TTC38: variants seen among roughly 807,000 people sequenced by gnomAD.
TTC38 encodes the protein tetratricopeptide repeat domain 38.
A neutral mutation model predicts 64.2 loss-of-function variants in TTC38; 64 were observed. The observed-to-expected ratio is 1.00, with a 90% CI of 0.81 to 1.23. The LOEUF (loss-of-function observed/expected upper bound fraction) is 1.23, where lower values mean the gene tolerates loss of function less well. Among genes scored for constraint, TTC38 ranks in the 50% most tolerant of loss-of-function variants. The pLI is 0.00. For missense variants in TTC38, 573 were observed against 615.5 expected (o/e 0.93, Z 0.73); for synonymous variants, 254 against 249.3 (o/e 1.02, Z -0.18).
intron 11 of TTC38, among the ~76,000 whole-genome samples, chr22:46,289,176 A>G (rs571523816): frequency 9.2e-5 from 14 of 152,286 alleles, no homozygotes; most frequent in African/African-American, 3.1e-4. Flanking sequence ...CTGAGGCTGG[A>G]AGGTGGGGGA....
chr22:46,286,641 G>A (rs1234657816), intron 9 of TTC38, among the ~76,000 whole-genome samples: 1 of 150,114 alleles, frequency 6.7e-6, no homozygotes, highest in Non-Finnish European at 1.5e-5. Context: ...CAGCCTGGGC[G>A]ACAGAGGGAG....
chr22:46,268,397 G>T, intron 1 of TTC38, 117 bp from the exon 2 acceptor site: 1 of 1,137,718 alleles, frequency 8.8e-7, no homozygotes, highest in Admixed American at 2.1e-5. Context: ...CTGGGAGCCT[G>T]AGCCCATTTT....
Position 46,276,744 on chromosome 22 carries a change from T to TTA in TTC38, c.539+1323_539+1324insTA, listed in dbSNP as rs1569017487. Among the ~76,000 whole-genome samples the TTA allele has an allele frequency of 8.4e-5, 12 of 142,450 alleles. No individual in the cohort carries two copies. Among genetic ancestry groups the TTA allele is most frequent in the African/African-American group, 3.1e-4 (12 of 38,336 alleles). The allele number at this position is 142,450 out of a possible 152,430, so 93.5% of individuals were successfully genotyped here. A position where few individuals can be genotyped will look rare whatever the true frequency, so the allele number is the denominator to read the frequency against. On this transcript the variant is annotated intron_variant, in intron 5 of 13. Coordinates refer to ENST00000381031, the MANE Select transcript of TTC38 (RefSeq NM_017931.4). This position sits in a 1 kb window ranked among gnomAD's most constrained non-coding sequence, Gnocchi z 4.7. ...AATATATATATTAAAAAAATATATA[T>TTA]AAAATACATATATTAAAAATATATA...
rs1224141901 is a variant in TTC38, at chr22:46,276,748, A to G, written c.539+1327A>G. On this transcript the variant is annotated intron_variant, in intron 5 of 13. Transcript: ENST00000381031. This position sits in a 1 kb window ranked among gnomAD's most constrained non-coding sequence, Gnocchi z 4.7. ...TATATATTAAAAAAATATATATAAA[A>G]TACATATATTAAAAATATATATTAA... Among the ~76,000 whole-genome samples the G allele has an allele frequency of 2.7e-5, 4 of 145,570 alleles. No individual in the cohort carries two copies. Among genetic ancestry groups the G allele is most frequent in the Non-Finnish European group, 1.5e-5 (1 of 66,636 alleles).
chr22:46,288,635 AGGGTGAGG>A, intron 11 of TTC38, 47 bp downstream of exon 11: 1 of 1,586,662 alleles, frequency 6.3e-7, no homozygotes, highest in South Asian at 1.1e-5. Flanking sequence ...CCCTGCCGAG[AGGGTGAGG>A]GGGTGCTAGG....
At position 46,292,815 on chromosome 22, in the gene TTC38, C is replaced by T; in HGVS notation, c.1341C>T (p.Ala447=). 6 of 1,614,084 alleles carry T rather than the reference C, an allele frequency of 3.7e-6. No homozygotes were observed. The highest frequency in any genetic ancestry group is 5.1e-6 in the Non-Finnish European group (6 of 1,179,958). ...GGAGCCTTCTGATGGAGCGTGATGC[C>T]TTGAAGCCCAACTCGCCCCTGACCG... ...VARSLLMERD[A]LKPNSPLTER... Residue 447 remains alanine, a synonymous_variant, in exon 14 of 14, where the codon GCC becomes GCT. Coordinates refer to ENST00000381031, the MANE Select transcript of TTC38 (RefSeq NM_017931.4). The surrounding 1 kb of genome is among the most constrained non-coding windows in gnomAD (Gnocchi z 6.5).
intron 13 of TTC38, among the ~76,000 whole-genome samples, chr22:46,290,525 T>TTACG (rs1163728355): frequency 8.6e-6 from 1 of 115,996 alleles, no homozygotes; most frequent in Non-Finnish European, 1.9e-5. Flanking sequence ...AGGGTGAGTG[T>TTACG]GTTAGGGCAG....
chr22:46,280,060 G>T lies in TTC38; in HGVS notation c.615+1399G>T, dbSNP rs375412827. Reference sequence around the variant, plus strand: ...GCTCCCCTTTCGCCTCCTGTCCCTTGTGTTGCAGGCACCAACTCTTTGTCT... The same window carrying T: ...GCTCCCCTTTCGCCTCCTGTCCCTTTTGTTGCAGGCACCAACTCTTTGTCT... On this transcript the variant is annotated intron_variant, in intron 6 of 13. Coordinates refer to ENST00000381031, the MANE Select transcript of TTC38 (RefSeq NM_017931.4). 8 of 467,248 alleles carry T rather than the reference G, an allele frequency of 1.7e-5. No homozygotes were observed. The Admixed American group carries it at 1.9e-4, about 11-fold the overall frequency. 28.9% of individuals were successfully genotyped at this position (467,248 alleles called of 1,614,324 possible).
intron 8 of TTC38, 54 bp from the exon 9 acceptor site, chr22:46,285,187 A>G: frequency 6.5e-7 from 1 of 1,549,518 alleles, no homozygotes; most frequent in Non-Finnish European, 8.9e-7. Flanking sequence ...TTCACGTGCC[A>G]GCATTACACT....
chr22:46,288,457 G>A lies in TTC38; in HGVS notation c.951G>A (p.Leu317=). 6.2e-7 allele frequency: 1 copy of A among 1,613,990 alleles called. No homozygotes were observed. The highest frequency in any genetic ancestry group is 1.1e-5 in the South Asian group (1 of 91,088). Residue 317 remains leucine, a synonymous_variant, in exon 11 of 14, where the codon CTG becomes CTA. Coordinates refer to ENST00000381031, the MANE Select transcript of TTC38 (RefSeq NM_017931.4). ...TGGGCCAGCGGTGGCAGGATGTCCT[G>A]CCTGTGGCCCGGAAGCACAGCCGAG... ...VSVGQRWQDV[L]PVARKHSRDH... is the part of the protein sequence containing the mutation.
chr22:46,289,984 C>T, intron 13 of TTC38, 85 bp downstream of exon 13: 1 of 1,249,534 alleles, frequency 8.0e-7, no homozygotes, highest in Non-Finnish European at 1.2e-6. Flanking sequence ...CCCCACCACC[C>T]TTGGCCCGAG....
chr22:46,268,391 G>A (rs1336863477), intron 1 of TTC38, 123 bp from the exon 2 acceptor site: 3 of 1,062,402 alleles, frequency 2.8e-6, no homozygotes, highest in Non-Finnish European at 4.2e-6. Flanking sequence ...CCAGGACTGG[G>A]AGCCTGAGCC....
chr22:46,284,947 C>T (rs918698349), intron 8 of TTC38, among the ~76,000 whole-genome samples: 5 of 151,544 alleles, frequency 3.3e-5, no homozygotes, highest in African/African-American at 1.2e-4. Context: ...ATGAGCAATA[C>T]CTATATTAAC....
In TTC38 at chr22:46,276,238, G is replaced by A. The variant is rs942355498; in HGVS notation, c.539+817G>A. Among the ~76,000 whole-genome samples the A allele has an allele frequency of 6.6e-6, 1 of 152,194 alleles. No homozygotes were observed. On this transcript the variant is annotated intron_variant, in intron 5 of 13. Coordinates refer to ENST00000381031, the MANE Select transcript of TTC38 (RefSeq NM_017931.4). This position sits in a 1 kb window ranked among gnomAD's most constrained non-coding sequence, Gnocchi z 4.7. ...AGGGCAGGGCAGCAAGCTGGAAATC[G>A]CTGCAGGAGTCAGCATTAGTCTTAC...
chr22:46,268,163 G>C, intron 1 of TTC38, 91 bp downstream of exon 1: 2 of 1,407,544 alleles, frequency 1.4e-6, no homozygotes, highest in South Asian at 2.6e-5. Context: ...GACATGGCCC[G>C]GGCGCGGGGC....
At position 46,281,465 on chromosome 22, in the gene TTC38, A is replaced by C; in HGVS notation, c.616-134A>C. 1.0e-6 allele frequency: 1 copy of C among 1,002,820 alleles called. No homozygotes were observed. The highest frequency in any genetic ancestry group is 1.5e-6 in the Non-Finnish European group (1 of 671,946). The allele number at this position is 1,002,820 out of a possible 1,614,324, so 62.1% of individuals were successfully genotyped here. On this transcript the variant is annotated intron_variant, in intron 6 of 13. Transcript: ENST00000381031. The surrounding 1 kb of genome is among the most constrained non-coding windows in gnomAD (Gnocchi z 5.2). ...GTGCTAATTGTCAGTGTTTTGAGTC[A>C]GAGCCCCGCCCCCCCACTTGCTCCA... is the stretch of plus-strand genomic sequence containing the variant.
chr22:46,285,814 A>G (rs1389580226), intron 9 of TTC38, among the ~76,000 whole-genome samples: 1 of 151,886 alleles, frequency 6.6e-6, no homozygotes, highest in East Asian at 1.9e-4. Flanking sequence ...GGAGTTCAAG[A>G]CCAGCCTGGC....
At chr22:46,283,531 A>G (rs544537243) in intron 7 of TTC38, among the ~76,000 whole-genome samples, 23 of 152,298 alleles carry the variant, frequency 1.5e-4, no homozygotes, top group African/African-American at 5.3e-4. Context: ...CACCTAGTGC[A>G]GAATATTGTT....
chr22:46,269,435 AC>A (rs3838174), intron 2 of TTC38: 12,792 of 159,734 alleles, frequency 0.08, 676 homozygotes, highest in Non-Finnish European at 0.11. Context: ...AAGTGGGGAA[AC>A]TGAGGCTCAG....
Sources: allele counts gnomAD v4.1 joint callset (sites outside exome capture counted in the v4.1 genomes callset), GRCh38; gene constraint gnomAD v4.1.1; non-coding constraint Gnocchi (gnomAD v3.1); transcripts MANE v1.5; gene names NCBI Gene and HGNC (gene_info 2026-07-23, HGNC 2026-07-21).